CFAP95: variants seen among roughly 807,000 people sequenced by gnomAD.
The protein encoded by CFAP95 is cilia- and flagella-associated protein 95.
chr9:69,827,927 G>GA, the CFAP95 span, among the ~76,000 whole-genome samples: 9 of 152,142 alleles, frequency 5.9e-5, no homozygotes, highest in East Asian at 1.7e-3. Context: ...GAAAGAGAGC[G>GA]AGCAGATGCC....
the CFAP95 span, among the ~76,000 whole-genome samples, chr9:69,876,264 G>A: frequency 6.6e-6 from 1 of 152,152 alleles, no homozygotes; most frequent in African/African-American, 2.4e-5. Flanking sequence ...TGGGCACAGT[G>A]GCTCAGGCCT....
At chr9:69,870,082 T>A in the CFAP95 span, among the ~76,000 whole-genome samples, 1 of 152,206 alleles carries the variant, frequency 6.6e-6, no homozygotes, top group African/African-American at 2.4e-5. Context: ...GTTATGGAGT[T>A]AAATTATTAC....
At chr9:69,895,335 G>GTCTCTCCCTC in the CFAP95 span, among the ~76,000 whole-genome samples, 1 of 121,272 alleles carries the variant, frequency 8.2e-6, no homozygotes, top group Admixed American at 8.8e-5. Context: ...CTTAAAATCA[G>GTCTCTCCCTC]TCTCTCTCTC....
the CFAP95 span, among the ~76,000 whole-genome samples, chr9:69,829,651 A>G: frequency 6.6e-6 from 1 of 152,200 alleles, no homozygotes; most frequent in Non-Finnish European, 1.5e-5. Flanking sequence ...AGATAGTCTA[A>G]GGTACTTTTT....
chr9:69,900,162 C>A, the CFAP95 span, among the ~76,000 whole-genome samples: 108,315 of 151,852 alleles, frequency 0.71, 39,833 homozygotes, highest in Non-Finnish European at 0.81. Flanking sequence ...GCATATACAC[C>A]CACAGCTGTG....
the CFAP95 span, among the ~76,000 whole-genome samples, chr9:69,875,698 A>G: frequency 4.6e-5 from 7 of 152,182 alleles, no homozygotes; most frequent in Non-Finnish European, 8.8e-5. Context: ...ACTGTTGTCT[A>G]TTAACACAAA....
chr9:69,843,609 CT>C, the CFAP95 span, among the ~76,000 whole-genome samples: 10 of 74,618 alleles, frequency 1.3e-4, no homozygotes, highest in African/African-American at 8.1e-4. Flanking sequence ...TCTTCTTCTT[CT>C]TCTTCTTCTT....
At chr9:69,857,197 T>C in the CFAP95 span, among the ~76,000 whole-genome samples, 1 of 152,230 alleles carries the variant, frequency 6.6e-6, no homozygotes, top group Non-Finnish European at 1.5e-5. Flanking sequence ...CTGAGTATTT[T>C]ATGTCCTACA....
the CFAP95 span, among the ~76,000 whole-genome samples, chr9:69,838,139 G>A: frequency 6.6e-6 from 1 of 152,170 alleles, no homozygotes; most frequent in Admixed American, 6.5e-5. Flanking sequence ...CTGTAGCCTT[G>A]TAGTATAGTT....
chr9:69,868,251 G>A, the CFAP95 span, among the ~76,000 whole-genome samples: 1 of 141,544 alleles, frequency 7.1e-6, no homozygotes, highest in Non-Finnish European at 1.5e-5. Context: ...AAACCTTCTT[G>A]ACATTGGTCT....
At chr9:69,835,615 A>C in the CFAP95 span, among the ~76,000 whole-genome samples, 1 of 152,378 alleles carries the variant, frequency 6.6e-6, no homozygotes, top group East Asian at 1.9e-4. Flanking sequence ...CAGTAACAAA[A>C]TGTAAGAACA....
chr9:69,865,415 A>G, the CFAP95 span, among the ~76,000 whole-genome samples: 30 of 152,248 alleles, frequency 2.0e-4, no homozygotes, highest in African/African-American at 6.5e-4. Flanking sequence ...TCAGTTCTTG[A>G]TTCTCCATCT....
chr9:69,851,230 T>C, the CFAP95 span, among the ~76,000 whole-genome samples: 1 of 152,148 alleles, frequency 6.6e-6, no homozygotes, highest in Admixed American at 6.6e-5. Flanking sequence ...CGCACAAACA[T>C]GCAGAGACAC....
the CFAP95 span, among the ~76,000 whole-genome samples, chr9:69,845,135 T>C: frequency 6.6e-6 from 1 of 152,316 alleles, no homozygotes; most frequent in Admixed American, 6.5e-5. Context: ...TGTGAGTAAT[T>C]AAAACATGCT....
At chr9:69,830,568 G>A in the CFAP95 span, among the ~76,000 whole-genome samples, 1 of 152,226 alleles carries the variant, frequency 6.6e-6, no homozygotes, top group Non-Finnish European at 1.5e-5. Context: ...GTAATGGGCA[G>A]AAAACAGAAA....
At chr9:69,837,126 A>G in the CFAP95 span, among the ~76,000 whole-genome samples, 6 of 151,992 alleles carry the variant, frequency 3.9e-5, no homozygotes, top group African/African-American at 1.4e-4. Context: ...AATCCAGTCT[A>G]TCATTGTTGG....
the CFAP95 span, among the ~76,000 whole-genome samples, chr9:69,840,263 A>G: frequency 5.4e-4 from 83 of 152,330 alleles, no homozygotes; most frequent in Non-Finnish European, 9.8e-4. Flanking sequence ...AAATGCCGGT[A>G]GCAAGGAGAA....
the CFAP95 span, among the ~76,000 whole-genome samples, chr9:69,845,957 A>C: frequency 1.3e-5 from 2 of 152,088 alleles, no homozygotes; most frequent in Admixed American, 1.3e-4. Context: ...GTGATGCCCA[A>C]CTCAGTCAAC....
the CFAP95 span, among the ~76,000 whole-genome samples, chr9:69,895,055 C>G: frequency 6.6e-6 from 1 of 151,388 alleles, no homozygotes; most frequent in African/African-American, 2.4e-5. Flanking sequence ...TCTGTGTTAA[C>G]TTAACTAGGT....
Sources: gnomAD v4.1 joint callset for allele counts (sites outside exome capture counted in the v4.1 genomes callset) on GRCh38, gnomAD v4.1.1 for gene constraint, MANE v1.5 for transcripts, NCBI Gene and HGNC (gene_info 2026-07-23, HGNC 2026-07-21) for gene names.